Variants in RNF169 observed in about 807,000 individuals in gnomAD.
RNF169 encodes the protein ring finger protein 169.
RNF169 carries 24 observed loss-of-function variants against 53.9 expected under a neutral mutation model. The ratio of observed to expected loss-of-function variants is 0.45; its 90% CI spans 0.32 to 0.63. The LOEUF (loss-of-function observed/expected upper bound fraction) is 0.63. Among genes scored for constraint, RNF169 ranks in the 20% least tolerant of loss-of-function variants. RNF169 has a pLI of 0.04. For synonymous variants in RNF169, 396 were observed against 363.5 expected, an observed-to-expected ratio of 1.09 and a Z score of -1.02; for missense variants, 883 against 906.2, an observed-to-expected ratio of 0.97 and a Z score of 0.33.
chr11:74,822,775 T>G (rs780405482), intron 4 of RNF169, among the ~76,000 whole-genome samples: 1 of 152,128 alleles, frequency 6.6e-6, no homozygotes, highest in African/African-American at 2.4e-5. Context: ...TGACAGATAA[T>G]GGGTTTCTAA....
chr11:74,750,588 CTTTTTTTTTTTTTT>C (rs71036015), intron 1 of RNF169, among the ~76,000 whole-genome samples: 6 of 54,500 alleles, frequency 1.1e-4, no homozygotes, highest in Non-Finnish European at 1.5e-4. Flanking sequence ...CTCCCCTCAC[CTTTTTTTTTTTTTT>C]TTTTTTTTTT....
At chr11:74,788,844 A>G (rs1219824254) in intron 1 of RNF169, among the ~76,000 whole-genome samples, 1 of 152,170 alleles carries the variant, frequency 6.6e-6, no homozygotes, top group East Asian at 1.9e-4. Flanking sequence ...TTAAAAAAAG[A>G]TAGTAAGGAA....
intron 1 of RNF169, among the ~76,000 whole-genome samples, chr11:74,776,693 GTAATTCTCTCT>G (rs1340808402): frequency 6.6e-6 from 1 of 152,172 alleles, no homozygotes; most frequent in Non-Finnish European, 1.5e-5. Flanking sequence ...GGAAGCTAAT[GTAATTCTCTCT>G]GGGTTAGTGG....
chr11:74,762,648 A>T (rs73490669), intron 1 of RNF169, among the ~76,000 whole-genome samples: 8,200 of 152,084 alleles, frequency 0.054, 311 homozygotes, highest in South Asian at 0.2. Context: ...TTTTAAATGC[A>T]TCTTTGAATA....
At chr11:74,770,534 A>G (rs1254068009) in intron 1 of RNF169, among the ~76,000 whole-genome samples, 1 of 152,234 alleles carries the variant, frequency 6.6e-6, no homozygotes, top group African/African-American at 2.4e-5. Context: ...ATCTAAACAT[A>G]TCTACCAGTA....
chr11:74,802,927 TG>T (rs551287964), intron 2 of RNF169, among the ~76,000 whole-genome samples: 13 of 82,388 alleles, frequency 1.6e-4, no homozygotes, highest in East Asian at 7.8e-4. Context: ...TAATTTTTTT[TG>T]GGGGGGGGTG....
At chr11:74,777,784 A>G (rs1565174656) in intron 1 of RNF169, among the ~76,000 whole-genome samples, 1 of 151,796 alleles carries the variant, frequency 6.6e-6, no homozygotes, top group Non-Finnish European at 1.5e-5. Context: ...ATGCACCACC[A>G]TGCTTGGCCA....
chr11:74,789,316 AACTTTTTGGGGAGACT>A (rs1423989636), intron 1 of RNF169, among the ~76,000 whole-genome samples: 1 of 152,230 alleles, frequency 6.6e-6, no homozygotes, highest in Non-Finnish European at 1.5e-5. Flanking sequence ...GACAAAAGGC[AACTTTTTGGGGAGACT>A]ATTTTCTATA....
At chr11:74,750,927 G>T (rs796677945) in intron 1 of RNF169, among the ~76,000 whole-genome samples, 34 of 129,910 alleles carry the variant, frequency 2.6e-4, no homozygotes, top group African/African-American at 1.0e-3. Context: ...AGGCTGGAGT[G>T]CAGTGGCCAA....
At chr11:74,771,597 A>G (rs1046239646) in intron 1 of RNF169, among the ~76,000 whole-genome samples, 17 of 152,076 alleles carry the variant, frequency 1.1e-4, no homozygotes, top group African/African-American at 3.9e-4. Context: ...CCAGCTACTC[A>G]GGAGGCTGAG....
chr11:74,772,623 G>A (rs1749489860), intron 1 of RNF169, among the ~76,000 whole-genome samples: 2 of 152,082 alleles, frequency 1.3e-5, no homozygotes, highest in East Asian at 1.9e-4. Flanking sequence ...CTTGAGTAGA[G>A]CGTTTAGCTT....
chr11:74,765,404 C>T (rs752589174), intron 1 of RNF169, among the ~76,000 whole-genome samples: 2 of 152,112 alleles, frequency 1.3e-5, no homozygotes, highest in African/African-American at 2.4e-5. Flanking sequence ...TCTTATCTGA[C>T]CGTAGTATAA....
intron 2 of RNF169, among the ~76,000 whole-genome samples, chr11:74,805,066 T>G (rs1432093910): frequency 6.6e-6 from 1 of 152,238 alleles, no homozygotes; most frequent in East Asian, 1.9e-4. Flanking sequence ...CAAAAACACC[T>G]GTCCACAAAA....
intron 4 of RNF169, among the ~76,000 whole-genome samples, chr11:74,827,798 T>A (rs1158881191): frequency 6.6e-6 from 1 of 152,122 alleles, no homozygotes; most frequent in Non-Finnish European, 1.5e-5. Flanking sequence ...TGTTGAAAAC[T>A]CTCAATAAAC....
intron 1 of RNF169, among the ~76,000 whole-genome samples, chr11:74,763,419 TGA>T (rs938341687): frequency 2.6e-5 from 4 of 152,152 alleles, no homozygotes; most frequent in Non-Finnish European, 5.9e-5. Context: ...AGTGACAATT[TGA>T]GAGAGAATTT....
intron 4 of RNF169, among the ~76,000 whole-genome samples, chr11:74,827,123 C>T (rs112233760): frequency 0.19 from 28,882 of 152,094 alleles, 2,897 homozygotes; most frequent in South Asian, 0.38. Flanking sequence ...CTGGACATCC[C>T]GGCATTTGCA....
At chr11:74,823,266 C>T (rs2036042128) in intron 4 of RNF169, among the ~76,000 whole-genome samples, 1 of 152,080 alleles carries the variant, frequency 6.6e-6, no homozygotes, top group Non-Finnish European at 1.5e-5. Context: ...AAATATATCT[C>T]ACTATTTCTT....
Position 74,795,592 on chromosome 11 carries a change from G to A in RNF169, c.576+5893G>A, listed in dbSNP as rs78392983. Among the ~76,000 whole-genome samples the A allele has an allele frequency of 5.2e-3, 791 of 152,352 alleles. 8 individuals carry two copies. Among genetic ancestry groups the A allele is most frequent in the African/African-American group, 0.018 (752 of 41,582 alleles). ...GAAATGGTAAGAGGCTGGGCACATT[G>A]GCTCATGGCCATAATCCCAACACTT... On this transcript the variant is annotated intron_variant, in intron 2 of 5. Transcript: ENST00000299563.
chr11:74,786,345 G>C (rs2035502849), intron 1 of RNF169, among the ~76,000 whole-genome samples: 1 of 151,058 alleles, frequency 6.6e-6, no homozygotes, highest in Non-Finnish European at 1.5e-5. Context: ...CAGTCCTTCT[G>C]CCACAGCCTC....
Sources: allele counts gnomAD v4.1 joint callset (sites outside exome capture counted in the v4.1 genomes callset), GRCh38; gene constraint gnomAD v4.1.1; transcripts MANE v1.5; gene names NCBI Gene and HGNC (gene_info 2026-07-23, HGNC 2026-07-21).